ECE1: variants seen among roughly 807,000 people sequenced by gnomAD.
ECE1 encodes endothelin-converting enzyme 1.
A neutral mutation model predicts 98.6 loss-of-function variants in ECE1; 35 were observed. The observed-to-expected ratio is 0.35, with a 90% CI of 0.27 to 0.47. The LOEUF is 0.47. Among genes scored for constraint, ECE1 ranks in the 20% least tolerant of loss-of-function variants. The pLI is 1.00. For synonymous variants in ECE1, 394 were observed against 407.1 expected (o/e 0.97, Z 0.39); for missense variants, 814 against 1,025.3 (o/e 0.79, Z 2.81).
At chr1:21,259,683 G>A (rs1573979697) in intron 5 of ECE1, among the ~76,000 whole-genome samples, 1 of 152,158 alleles carries the variant, frequency 6.6e-6, no homozygotes, top group African/African-American at 2.4e-5. Context: ...GGGCTGTCCA[G>A]GGAACACGAG....
rs2098215946 is a variant in ECE1, at chr1:21,253,745, A to AT, written c.1020+2201_1020+2202insA. ...GCCACTGCACTCCAGCCTGGGCGAG[A>AT]GCGCGAGACTCTGTCTCAAATTAAA... is the stretch of plus-strand genomic sequence containing the variant. On this transcript the variant is annotated intron_variant, in intron 8 of 18. Transcript: ENST00000374893. 2.2e-5 allele frequency among the ~76,000 whole-genome samples: 3 copies of AT among 134,290 alleles called. No homozygotes were observed. In the South Asian group the frequency reaches 7.2e-4, roughly 32 times the overall value. The allele number at this position is 134,290 out of a possible 152,430, so 88.1% of individuals were successfully genotyped here.
At chr1:21,298,964 A>G in intron 1 of ECE1, 1 of 447,998 alleles carries the variant, frequency 2.2e-6, no homozygotes, top group South Asian at 1.6e-5. Flanking sequence ...ATGCCCCTGC[A>G]CCTCCTCATG....
intron 17 of ECE1, 95 bp from the exon 18 acceptor site, chr1:21,221,937 G>T: frequency 9.1e-7 from 1 of 1,103,510 alleles, no homozygotes; most frequent in Non-Finnish European, 1.4e-6. Flanking sequence ...CCCGTGTTGG[G>T]GCAAGGACTA....
chr1:21,291,740 T>C (rs1369834323), upstream of ECE1, among the ~76,000 whole-genome samples: 1 of 152,038 alleles, frequency 6.6e-6, no homozygotes, highest in African/African-American at 2.4e-5. Flanking sequence ...GGCAGAAGAA[T>C]CGCTTGAACC....
intron 13 of ECE1, among the ~76,000 whole-genome samples, chr1:21,234,937 G>C (rs942784224): frequency 2.0e-5 from 3 of 152,194 alleles, no homozygotes; most frequent in Non-Finnish European, 2.9e-5. Flanking sequence ...CAAGGAAAAG[G>C]CAGCAGAATG....
chr1:21,257,730 A>C, intron 6 of ECE1, 140 bp from the exon 7 acceptor site: 1 of 885,736 alleles, frequency 1.1e-6, no homozygotes. Flanking sequence ...TGCTGGCTAC[A>C]GTCACTGAGA....
At chr1:21,295,148 TGAG>T (rs1057284966), upstream of ECE1, among the ~76,000 whole-genome samples, 12 of 152,348 alleles carry the variant, frequency 7.9e-5, no homozygotes, top group African/African-American at 2.6e-4. Context: ...ATCTGTCAAA[TGAG>T]GAGGATGATG....
chr1:21,229,798 A>G (rs1162672631), intron 14 of ECE1, among the ~76,000 whole-genome samples: 1 of 152,198 alleles, frequency 6.6e-6, no homozygotes, highest in Non-Finnish European at 1.5e-5. Context: ...CTAAGACATG[A>G]TGTTACAAAA....
At chr1:21,316,764 T>G (rs1558429841) in intron 1 of ECE1, among the ~76,000 whole-genome samples, 1 of 152,182 alleles carries the variant, frequency 6.6e-6, no homozygotes, top group Non-Finnish European at 1.5e-5. Context: ...TACTACACGG[T>G]AATGAAAACC....
chr1:21,249,363 A>G (rs964476466), intron 8 of ECE1, among the ~76,000 whole-genome samples: 8 of 151,824 alleles, frequency 5.3e-5, no homozygotes, highest in Admixed American at 2.0e-4. Context: ...AAGCTGTGGT[A>G]AAATACATAT....
At chr1:21,234,443 T>C (rs2098185605) in intron 13 of ECE1, among the ~76,000 whole-genome samples, 1 of 150,832 alleles carries the variant, frequency 6.6e-6, no homozygotes, top group African/African-American at 2.4e-5. Context: ...AGGGCATCAC[T>C]GTACACCCTT....
Position 21,258,890 on chromosome 1 carries a change from A to C in ECE1, c.616-51T>G. On this transcript the variant is annotated intron_variant, in intron 5 of 18. Coordinates refer to ENST00000374893, the MANE Select transcript of ECE1 (RefSeq NM_001397.3). The surrounding 1 kb of genome is among the most constrained non-coding windows in gnomAD (Gnocchi z 4.2). Reference sequence around the variant, plus strand: ...AGGTGATGAGGTGGCGGGGAGACCCAGATGTGAATTCTGGTTCTGCCGCTG... The same window carrying C: ...AGGTGATGAGGTGGCGGGGAGACCCCGATGTGAATTCTGGTTCTGCCGCTG... 6.2e-7 allele frequency: 1 copy of C among 1,609,724 alleles called. No homozygotes were observed. Among genetic ancestry groups the C allele is most frequent in the African/African-American group, 1.3e-5 (1 of 74,950 alleles).
intron 1 of ECE1, among the ~76,000 whole-genome samples, chr1:21,320,675 C>T (rs1638944266): frequency 6.6e-6 from 1 of 152,254 alleles, no homozygotes; most frequent in Admixed American, 6.5e-5. Flanking sequence ...GAAGGACGCA[C>T]GTGTCTGTTC....
At chr1:21,238,035 C>A in intron 11 of ECE1, 99 bp downstream of exon 11, 1 of 1,095,874 alleles carries the variant, frequency 9.1e-7, no homozygotes, top group Non-Finnish European at 1.4e-6. Context: ...TGCCCAGGAG[C>A]AGGAAAGGCC....
intron 2 of ECE1, among the ~76,000 whole-genome samples, chr1:21,284,190 G>A (rs2098258145): frequency 6.6e-6 from 1 of 152,216 alleles, no homozygotes. Context: ...CGTGAGATGA[G>A]GTCACAGCAT....
intron 7 of ECE1, among the ~76,000 whole-genome samples, chr1:21,256,536 C>T (rs994431245): frequency 6.6e-6 from 1 of 150,984 alleles, no homozygotes; most frequent in Non-Finnish European, 1.5e-5. Flanking sequence ...CTAGCCTGGG[C>T]GGCAGAGAGA....
At position 21,220,460 on chromosome 1, in the gene ECE1, C is replaced by T. The variant is rs1013388421; in HGVS notation, c.2137-329G>A. 2.8e-4 allele frequency among the ~76,000 whole-genome samples: 43 copies of T among 152,090 alleles called. No homozygotes were observed. Among genetic ancestry groups the T allele is most frequent in the African/African-American group, 8.9e-4 (37 of 41,424 alleles). ...GCTGCAGTGAGCTGTGATTGTGCCACTGCATTCCAGCCTCGGTGATAGAGT... is the reference window on the plus strand; with the variant it reads ...GCTGCAGTGAGCTGTGATTGTGCCATTGCATTCCAGCCTCGGTGATAGAGT... On this transcript the variant is annotated intron_variant, in intron 18 of 18. Transcript: ENST00000374893. This position sits in a 1 kb window ranked among gnomAD's most constrained non-coding sequence, Gnocchi z 5.0.
At chr1:21,261,884 G>T (rs2098227331) in intron 4 of ECE1, among the ~76,000 whole-genome samples, 1 of 152,182 alleles carries the variant, frequency 6.6e-6, no homozygotes. Context: ...GAGCAGGACA[G>T]GACAGTGTGG....
intron 4 of ECE1, among the ~76,000 whole-genome samples, chr1:21,271,719 A>G (rs543338973): frequency 5.8e-4 from 89 of 152,234 alleles, no homozygotes; most frequent in African/African-American, 2.0e-3. Context: ...TTAACTAAGG[A>G]TACAGCTGCA....
Sources: gnomAD v4.1 joint callset for allele counts (sites outside exome capture counted in the v4.1 genomes callset) on GRCh38, gnomAD v4.1.1 for gene constraint, Gnocchi (gnomAD v3.1) non-coding constraint, MANE v1.5 for transcripts, NCBI Gene and HGNC (gene_info 2026-07-23, HGNC 2026-07-21) for gene names.